LIMA1: variants seen among roughly 807,000 people sequenced by gnomAD.
LIMA1 encodes the protein LIM domain and actin binding 1.
LIMA1 carries 52 observed loss-of-function variants against 62.6 expected under a neutral mutation model. That is an observed-to-expected ratio of 0.83 (90% CI 0.67 to 1.05). LIMA1 has a LOEUF of 1.05. LIMA1 is among the 50% of genes least tolerant of loss of function. LIMA1 has a pLI of 0.00. For missense variants in LIMA1, 780 were observed against 902.2 expected, an observed-to-expected ratio of 0.86 and a Z score of 1.74; for synonymous variants, 302 against 317.8, an observed-to-expected ratio of 0.95 and a Z score of 0.53.
Position 50,176,403 on chromosome 12 carries a change from CG to C in LIMA1, c.*660del, listed in dbSNP as rs1215243453. The C allele has an allele frequency of 1.3e-5, 2 of 152,120 alleles. No individual in the cohort carries two copies. The highest frequency in any genetic ancestry group is 4.8e-5 in the African/African-American group (2 of 41,428). The allele number at this position is 152,120 out of a possible 1,614,324, so 9.4% of individuals were successfully genotyped here. A position where few individuals can be genotyped will look rare whatever the true frequency, so the allele number is the denominator to read the frequency against. Reference sequence around the variant, plus strand: ...GGAGACAGCAGATCTCTCTAAGCACCGAAGAGTGTAGGTTGGTTTTTCAATT... The same window carrying C: ...GGAGACAGCAGATCTCTCTAAGCACCAAGAGTGTAGGTTGGTTTTTCAATT... On this transcript the variant is annotated 3_prime_UTR_variant, in exon 11 of 11. Transcript: ENST00000341247.
At chr12:50,270,198 G>C (rs1354251040) in intron 1 of LIMA1, among the ~76,000 whole-genome samples, 1 of 119,558 alleles carries the variant, frequency 8.4e-6, no homozygotes, top group Non-Finnish European at 1.6e-5. Context: ...TCGCGCCATT[G>C]TACTCTAGCC....
chr12:50,234,267 G>GGT, intron 2 of LIMA1: 1 of 365,082 alleles, frequency 2.7e-6, no homozygotes, highest in Non-Finnish European at 5.4e-6. Context: ...GGAGTGCAGT[G>GGT]GCACGATCTC....
intron 7 of LIMA1, among the ~76,000 whole-genome samples, chr12:50,200,156 A>G (rs1056972476): frequency 2.0e-5 from 3 of 152,080 alleles, no homozygotes; most frequent in Non-Finnish European, 4.4e-5. Flanking sequence ...TGGCCTCCCA[A>G]AGTGCTGGGA....
At chr12:50,236,337 G>C (rs867903564) in intron 2 of LIMA1, among the ~76,000 whole-genome samples, 1 of 134,240 alleles carries the variant, frequency 7.4e-6, no homozygotes, top group African/African-American at 2.8e-5. Context: ...TCACTCTGTC[G>C]CCCAGGCTGG....
chr12:50,177,020 G>T lies in LIMA1; in HGVS notation c.*44C>A. The T allele has an allele frequency of 6.9e-7, 1 of 1,454,902 alleles. No homozygotes were observed. Among genetic ancestry groups the T allele is most frequent in the Non-Finnish European group, 9.1e-7 (1 of 1,094,728 alleles). 90.1% of individuals were successfully genotyped at this position (1,454,902 alleles called of 1,614,324 possible). ...ACATTTTGACAAAGGGCAGTGGCTCGCTAACACTAACATGAATTTAAGGCC... is the reference window on the plus strand; with the variant it reads ...ACATTTTGACAAAGGGCAGTGGCTCTCTAACACTAACATGAATTTAAGGCC... On this transcript the variant is annotated 3_prime_UTR_variant, in exon 11 of 11. Coordinates refer to ENST00000341247, the MANE Select transcript of LIMA1 (RefSeq NM_016357.5).
intron 1 of LIMA1, among the ~76,000 whole-genome samples, chr12:50,265,975 C>G (rs751670598): frequency 1.1e-4 from 16 of 152,086 alleles, no homozygotes; most frequent in Non-Finnish European, 5.9e-5. Context: ...ACTTGTTGAG[C>G]CTACAGAGCT....
At chr12:50,218,726 C>T (rs998954099) in intron 4 of LIMA1, among the ~76,000 whole-genome samples, 5 of 151,820 alleles carry the variant, frequency 3.3e-5, no homozygotes, top group East Asian at 1.9e-4. Context: ...GGCAACATAG[C>T]GAAACGCTGT....
intron 1 of LIMA1, among the ~76,000 whole-genome samples, chr12:50,261,042 A>ATATAT (rs1383547189): frequency 1.8e-5 from 1 of 54,292 alleles, no homozygotes; most frequent in African/African-American, 7.2e-5. Flanking sequence ...CATCTAGTAT[A>ATATAT]TTTTTTTTTT....
At chr12:50,263,785 C>CTGTGTGTGTGTGTG (rs3073660) in intron 1 of LIMA1, among the ~76,000 whole-genome samples, 3 of 131,348 alleles carry the variant, frequency 2.3e-5, no homozygotes, top group East Asian at 4.4e-4. Context: ...TTCCATTCCT[C>CTGTGTGTGTGTGTG]TGTGTGTGTG....
chr12:50,196,355 G>A (rs1018928013), intron 7 of LIMA1, among the ~76,000 whole-genome samples: 2 of 151,972 alleles, frequency 1.3e-5, no homozygotes, highest in African/African-American at 4.8e-5. Flanking sequence ...CTGCTGAAAC[G>A]AGCTTGCCTA....
chr12:50,232,874 C>A (rs1205065114), intron 2 of LIMA1, among the ~76,000 whole-genome samples: 1 of 152,216 alleles, frequency 6.6e-6, no homozygotes, highest in East Asian at 1.9e-4. Flanking sequence ...ATAATCCCAG[C>A]TACTCGGGGG....
chr12:50,215,481 T>G (rs1009773430), intron 4 of LIMA1, among the ~76,000 whole-genome samples: 1 of 152,126 alleles, frequency 6.6e-6, no homozygotes, highest in Non-Finnish European at 1.5e-5. Context: ...TATTTATTTA[T>G]TTTTCTTTGA....
intron 1 of LIMA1, among the ~76,000 whole-genome samples, chr12:50,259,243 T>TA (rs1942036041): frequency 6.6e-6 from 1 of 152,186 alleles, no homozygotes; most frequent in Non-Finnish European, 1.5e-5. Flanking sequence ...ACATGGCCCT[T>TA]TTCCAAACTG....
At chr12:50,260,092 A>G (rs906510491) in intron 1 of LIMA1, among the ~76,000 whole-genome samples, 7 of 151,238 alleles carry the variant, frequency 4.6e-5, no homozygotes, top group African/African-American at 1.7e-4. Flanking sequence ...ATTCCACATG[A>G]TTCCCAAAGC....
intron 2 of LIMA1, among the ~76,000 whole-genome samples, chr12:50,242,466 T>A (rs1371305188): frequency 6.6e-6 from 1 of 151,988 alleles, no homozygotes; most frequent in East Asian, 1.9e-4. Flanking sequence ...AGTGATCCTC[T>A]CTACCCGGCC....
intron 1 of LIMA1, among the ~76,000 whole-genome samples, chr12:50,279,648 A>G (rs1214139928): frequency 6.6e-6 from 1 of 152,208 alleles, no homozygotes; most frequent in Non-Finnish European, 1.5e-5. Flanking sequence ...GATAGTAGTC[A>G]TGTCAAGAAA....
chr12:50,236,628 C>CA (rs35723625), intron 2 of LIMA1, among the ~76,000 whole-genome samples: 48,805 of 151,842 alleles, frequency 0.32, 8,120 homozygotes, highest in South Asian at 0.48. Context: ...AGCTAATATG[C>CA]AGGGGGTTCC....
At chr12:50,193,136 T>C (rs1483039243) in intron 8 of LIMA1, among the ~76,000 whole-genome samples, 1 of 152,128 alleles carries the variant, frequency 6.6e-6, no homozygotes. Context: ...AAATTCCAAC[T>C]ACATGAGTTA....
intron 1 of LIMA1, among the ~76,000 whole-genome samples, chr12:50,276,328 C>T (rs768156369): frequency 5.3e-5 from 8 of 152,120 alleles, no homozygotes; most frequent in South Asian, 2.1e-4. Flanking sequence ...TCTGGGTGTA[C>T]GCAGATGCAT....
Sources: allele counts gnomAD v4.1 joint callset (sites outside exome capture counted in the v4.1 genomes callset), GRCh38; gene constraint gnomAD v4.1.1; transcripts MANE v1.5; gene names NCBI Gene and HGNC (gene_info 2026-07-23, HGNC 2026-07-21).